Variants in MINDY4 observed in about 807,000 individuals in gnomAD.
The protein encoded by MINDY4 is probable ubiquitin carboxyl-terminal hydrolase MINDY-4.
Under a neutral mutation model 87.0 loss-of-function variants are expected in MINDY4, and 68 were observed. The ratio of observed to expected loss-of-function variants is 0.78; its 90% CI spans 0.64 to 0.96. MINDY4 has a LOEUF of 0.96. MINDY4 is among the 40% of genes least tolerant of loss of function. MINDY4 has a pLI of 0.00. For synonymous variants in MINDY4, 379 were observed against 363.2 expected, an observed-to-expected ratio of 1.04 and a Z score of -0.50; for missense variants, 919 against 928.2, an observed-to-expected ratio of 0.99 and a Z score of 0.13.
chr7:30,792,029 AC>A (rs1787340497), intron 5 of MINDY4, among the ~76,000 whole-genome samples: 1 of 152,248 alleles, frequency 6.6e-6, no homozygotes. Context: ...ACCTGCAGCA[AC>A]ATGGCCAGGC....
chr7:30,836,481 C>T (rs1788861038), intron 6 of MINDY4, among the ~76,000 whole-genome samples, 177 bp from the exon 7 acceptor site: 1 of 152,250 alleles, frequency 6.6e-6, no homozygotes, highest in Non-Finnish European at 1.5e-5. Context: ...GGTTGCTTTC[C>T]TTCCGCTAAG....
At chr7:30,794,740 C>T (rs1405797055) in intron 5 of MINDY4, among the ~76,000 whole-genome samples, 2 of 152,194 alleles carry the variant, frequency 1.3e-5, no homozygotes, top group African/African-American at 4.8e-5. Context: ...TTGGGGCCAC[C>T]TGTCACTTGT....
At chr7:30,791,670 T>G in intron 5 of MINDY4, 96 bp downstream of exon 5, 3 of 1,290,894 alleles carry the variant, frequency 2.3e-6, no homozygotes, top group Non-Finnish European at 2.1e-6. Context: ...AACTTCTTAG[T>G]CTCCTTGGTC....
chr7:30,776,391 T>C (rs982908841), intron 1 of MINDY4, among the ~76,000 whole-genome samples: 1 of 152,144 alleles, frequency 6.6e-6, no homozygotes, highest in Non-Finnish European at 1.5e-5. Flanking sequence ...GCTCTTTTGA[T>C]TCCCTCATCA....
At chr7:30,780,861 C>G (rs1375206720) in intron 2 of MINDY4, 1 of 152,236 alleles carries the variant, frequency 6.6e-6, no homozygotes, top group East Asian at 1.9e-4. Context: ...AATATAGGAT[C>G]TTTCCCCTAA....
chr7:30,771,675 T>G, intron 1 of MINDY4, 119 bp downstream of exon 1: 2 of 928,298 alleles, frequency 2.2e-6, no homozygotes, highest in Non-Finnish European at 3.2e-6. Context: ...TACTGCCTGC[T>G]CCAGAGATGC....
chr7:30,781,314 G>T (rs11765514), intron 2 of MINDY4: 34,671 of 152,288 alleles, frequency 0.23, 5,098 homozygotes, highest in Non-Finnish European at 0.32. Flanking sequence ...TGTCAGTAAG[G>T]TGAGAGAATC....
intron 17 of MINDY4, among the ~76,000 whole-genome samples, chr7:30,889,290 T>C (rs1413622957): frequency 4.6e-5 from 7 of 152,230 alleles, no homozygotes; most frequent in Admixed American, 4.6e-4. Context: ...TGCAGATTGC[T>C]AAGGTGCTTT....
At chr7:30,874,565 C>T (rs1790204522) in intron 14 of MINDY4, among the ~76,000 whole-genome samples, 1 of 152,216 alleles carries the variant, frequency 6.6e-6, no homozygotes, top group African/African-American at 2.4e-5. Context: ...CTCCACACGT[C>T]ACTTTCTCCA....
At chr7:30,844,280 T>C (rs529021040) in intron 9 of MINDY4, among the ~76,000 whole-genome samples, 7 of 152,190 alleles carry the variant, frequency 4.6e-5, no homozygotes, top group African/African-American at 1.7e-4. Context: ...GTTATGGAGC[T>C]CGCTGAAAAA....
In MINDY4 at chr7:30,782,069, TACCC is replaced by T; in HGVS notation, c.277_280del (p.Thr93GlnfsTer24). The T allele has an allele frequency of 6.2e-7, 1 of 1,614,176 alleles. No individual in the cohort carries two copies. On this transcript the variant is annotated frameshift_variant, in exon 3 of 18. Transcript: ENST00000265299. LOFTEE classifies it high-confidence loss of function. ...ATACGGCTAACAATTTCACTCAAGA[TACCC>T]CAATCCCTGCACTCTCAGTTCCAAA...
intron 1 of MINDY4, among the ~76,000 whole-genome samples, chr7:30,774,788 C>T (rs928710693): frequency 1.3e-5 from 2 of 151,880 alleles, no homozygotes; most frequent in East Asian, 1.9e-4. Context: ...TCAGGGTCTT[C>T]GCTGGTCCCC....
chr7:30,879,159 T>C (rs1179656281), intron 15 of MINDY4, among the ~76,000 whole-genome samples: 1 of 152,218 alleles, frequency 6.6e-6, no homozygotes, highest in Non-Finnish European at 1.5e-5. Flanking sequence ...TACCTCAGAA[T>C]GTATTAATAA....
chr7:30,823,339 A>C (rs989905402), intron 5 of MINDY4, among the ~76,000 whole-genome samples: 4 of 152,218 alleles, frequency 2.6e-5, no homozygotes, highest in African/African-American at 7.2e-5. Flanking sequence ...ATAAATGATT[A>C]CATTGGAGTG....
intron 5 of MINDY4, among the ~76,000 whole-genome samples, chr7:30,821,527 C>A (rs929419956): frequency 2.6e-5 from 4 of 152,004 alleles, no homozygotes; most frequent in African/African-American, 9.7e-5. Flanking sequence ...CTTTTGTATT[C>A]CAGTAGTTTT....
chr7:30,853,143 C>A (rs1301441396), intron 11 of MINDY4, among the ~76,000 whole-genome samples: 1 of 152,222 alleles, frequency 6.6e-6, no homozygotes, highest in Non-Finnish European at 1.5e-5. Flanking sequence ...TGCTGGAATT[C>A]TGGGGTCTCA....
Position 30,782,035 on chromosome 7 carries a change from A to G in MINDY4, c.242A>G (p.His81Arg), listed in dbSNP as rs1787021359. 2.5e-6 allele frequency: 4 copies of G among 1,614,034 alleles called. No individual in the cohort carries two copies. The highest frequency in any genetic ancestry group is 3.4e-6 in the Non-Finnish European group (4 of 1,180,042). ...CTCATCACCAGATACTTTCTGGATC[A>G]CTTTGGAAATACGGCTAACAATTTC... ...LELITRYFLD[H>R]FGNTANNFTQ... Residue 81 changes from histidine to arginine, a missense_variant, in exon 3 of 18, where the codon CAC (histidine) becomes CGC (arginine). By Grantham distance (29) the His-to-Arg change is conservative. Coordinates refer to ENST00000265299, the MANE Select transcript of MINDY4 (RefSeq NM_032222.3).
At chr7:30,776,981 C>CTTT (rs377315870) in intron 1 of MINDY4, among the ~76,000 whole-genome samples, 9 of 123,378 alleles carry the variant, frequency 7.3e-5, no homozygotes, top group South Asian at 2.6e-4. Context: ...CTTTTCTTTT[C>CTTT]TTTCCTTTTC....
chr7:30,847,883 A>G (rs945777880), intron 9 of MINDY4, among the ~76,000 whole-genome samples: 1 of 152,062 alleles, frequency 6.6e-6, no homozygotes, highest in African/African-American at 2.4e-5. Flanking sequence ...GGGACTGCAC[A>G]TGCCACCACA....
Sources: gnomAD v4.1 joint callset for allele counts (sites outside exome capture counted in the v4.1 genomes callset) on GRCh38, gnomAD v4.1.1 for gene constraint, MANE v1.5 for transcripts, NCBI Gene and HGNC (gene_info 2026-07-23, HGNC 2026-07-21) for gene names.